DACT2: variants seen among roughly 807,000 people sequenced by gnomAD.
The protein encoded by DACT2 is dishevelled binding antagonist of beta catenin 2.
In DACT2, 20 loss-of-function variants were observed where a neutral mutation model predicts 22.2. That is an observed-to-expected ratio of 0.90 (90% CI 0.63 to 1.31). DACT2 has a LOEUF of 1.31. Among genes scored for constraint, DACT2 ranks in the 50% most tolerant of loss-of-function variants. The pLI is 0.00. For synonymous variants in DACT2, 463 were observed against 479.8 expected, an observed-to-expected ratio of 0.96 and a Z score of 0.46; for missense variants, 1,048 against 1,061.4, an observed-to-expected ratio of 0.99 and a Z score of 0.18.
At chr6:168,302,425 G>C (rs1214122995), downstream of DACT2, among the ~76,000 whole-genome samples, 2 of 152,168 alleles carry the variant, frequency 1.3e-5, no homozygotes, top group Non-Finnish European at 1.5e-5. Context: ...TTCAGAGAGG[G>C]CTGTTTTCAT....
At chr6:168,295,968 G>A (rs1357473676) in intron 3 of DACT2, among the ~76,000 whole-genome samples, 1 of 152,222 alleles carries the variant, frequency 6.6e-6, no homozygotes, top group Non-Finnish European at 1.5e-5. Context: ...GTGGGAAAGA[G>A]CAGATCCATC....
intron 1 of DACT2, among the ~76,000 whole-genome samples, chr6:168,316,354 C>T (rs1236626161): frequency 3.6e-5 from 1 of 27,958 alleles, no homozygotes; most frequent in East Asian, 1.3e-3. Context: ...ACAACAGCAT[C>T]TCAGCAGCAC....
exon 4 of DACT2, chr6:168,294,660 C>A (rs1583287752): frequency 2.7e-6 from 4 of 1,477,412 alleles, no homozygotes; most frequent in Non-Finnish European, 3.6e-6. Context: ...GTGCAGCCTG[C>A]AGGCGGAGCA....
exon 6 of DACT2, chr6:168,293,834 C>G: frequency 1.4e-6 from 1 of 702,370 alleles, no homozygotes; most frequent in Admixed American, 2.0e-5. Context: ...GTGGCCAGGA[C>G]CCGACTTCCA....
chr6:168,310,020 G>A (rs1165113216), intron 3 of DACT2, 148 bp downstream of exon 3: 24 of 1,255,008 alleles, frequency 1.9e-5, no homozygotes, highest in South Asian at 1.2e-4. Context: ...AAACCACCAC[G>A]TGGCCCACGG....
At chr6:168,296,721 C>A (rs1779015735) in intron 3 of DACT2, among the ~76,000 whole-genome samples, 1 of 152,240 alleles carries the variant, frequency 6.6e-6, no homozygotes, top group Admixed American at 6.5e-5. Flanking sequence ...TAAGGAATAG[C>A]TGTATAATAG....
In DACT2 at chr6:168,307,635, C is replaced by G. The variant is rs370941715; in HGVS notation, c.2122G>C (p.Ala708Pro). 1.4e-5 allele frequency: 21 copies of G among 1,547,030 alleles called. No homozygotes were observed. The Admixed American group carries it at 4.1e-4, about 30-fold the overall frequency. The change falls in exon 4 of 4, where the codon GCC becomes CCC. Residue 708 changes from alanine to proline, a missense_variant. Transcript: ENST00000366795. The surrounding 1 kb of genome is among the most constrained non-coding windows in gnomAD (Gnocchi z 5.3). Reference sequence around the variant, plus strand: ...GCCAGGTCACAGTCCCTGCTCTGGGCGCCGCCCTCCTCGTCGCTGCTGCTG... The same window carrying G: ...GCCAGGTCACAGTCCCTGCTCTGGGGGCCGCCCTCCTCGTCGCTGCTGCTG... Reference protein sequence around the residue: ...ESSSSDEEGGAQSRDCDLALG... With the variant: ...ESSSSDEEGGPQSRDCDLALG...
chr6:168,302,420 A>C (rs940982329), downstream of DACT2, among the ~76,000 whole-genome samples: 4 of 152,206 alleles, frequency 2.6e-5, no homozygotes, highest in African/African-American at 9.7e-5. Flanking sequence ...CTGTTTTCAG[A>C]GAGGGCTGTT....
downstream of DACT2, among the ~76,000 whole-genome samples, chr6:168,304,119 T>C (rs62424994): frequency 0.17 from 26,346 of 152,174 alleles, 3,098 homozygotes; most frequent in African/African-American, 0.34. Context: ...AAACAGCTCC[T>C]CTGTCTTCCA....
chr6:168,293,133 C>T lies in DACT2; in HGVS notation c.*761G>A, dbSNP rs543331529. The T allele has an allele frequency of 1.2e-4, 18 of 152,270 alleles. No homozygotes were observed. The East Asian group carries it at 1.4e-3, about 11-fold the overall frequency. 9.4% of individuals were successfully genotyped at this position (152,270 alleles called of 1,614,324 possible). A position where few individuals can be genotyped will look rare whatever the true frequency, so the allele number is the denominator to read the frequency against. On this transcript the variant is annotated 3_prime_UTR_variant, in exon 6 of 6. Transcript: ENST00000366796. ...ATGAGAAGACCGGCCATTAGCTGAGCCTGCTGGAGCTGTGCCAGGTGCTTT... is the reference window on the plus strand; with the variant it reads ...ATGAGAAGACCGGCCATTAGCTGAGTCTGCTGGAGCTGTGCCAGGTGCTTT...
In DACT2 at chr6:168,307,541, G is replaced by A. The variant is rs1779242308; in HGVS notation, c.2216C>T (p.Pro739Leu). The A allele has an allele frequency of 1.3e-6, 2 of 1,551,346 alleles. No homozygotes were observed. Among genetic ancestry groups the A allele is most frequent in the South Asian group, 1.2e-5 (1 of 84,056 alleles). The change falls in exon 4 of 4, where the codon CCA (proline) becomes CTA (leucine). Residue 739 changes from proline (P) to leucine (L), a missense_variant. Coordinates refer to ENST00000366795, the MANE Select transcript of DACT2 (RefSeq NM_214462.5). This position sits in a 1 kb window ranked among gnomAD's most constrained non-coding sequence, Gnocchi z 5.3. ...WTQEAPVSSG[P>L]LLSPVPKLCR... ...CAGCTTGGGCACGGGGGACAGGAGT[G>A]GCCCCGAGCTGACCGGGGCCTCCTG...
intron 2 of DACT2, 74 bp from the exon 3 acceptor site, chr6:168,310,520 G>C: frequency 6.6e-7 from 1 of 1,505,894 alleles, no homozygotes; most frequent in Non-Finnish European, 8.9e-7. Flanking sequence ...TCCTGAGCTT[G>C]TCACGGCACA....
At position 168,308,585 on chromosome 6, in the gene DACT2, C is replaced by T. The variant is rs1382712370; in HGVS notation, c.1172G>A (p.Gly391Glu). 1.3e-6 allele frequency: 2 copies of T among 1,546,856 alleles called. No homozygotes were observed. The highest frequency in any genetic ancestry group is 8.7e-7 in the Non-Finnish European group (1 of 1,146,964). Residue 391 changes from glycine (G) to glutamate (E), a missense_variant, in exon 4 of 4, where the codon GGG becomes GAG. Transcript: ENST00000366795. ...GCCGGCACCCCTGCTCTGAGCTGGC[C>T]CTCCCTCGTCCTCCCTCCCTGGGGC... Reference protein sequence around the residue: ...VFAPGREDEGGPAQSRGAGRG... With the variant: ...VFAPGREDEGEPAQSRGAGRG...
At chr6:168,319,306 A>T in intron 1 of DACT2, 82 bp downstream of exon 1, 1 of 1,134,656 alleles carries the variant, frequency 8.8e-7, no homozygotes, top group Non-Finnish European at 1.1e-6. Flanking sequence ...CCCCCGTCCC[A>T]CTAACACACA....
intron 1 of DACT2, among the ~76,000 whole-genome samples, chr6:168,311,495 G>GCCCC (rs539267578): frequency 5.8e-5 from 8 of 136,806 alleles, no homozygotes; most frequent in African/African-American, 2.2e-4. Context: ...GACACCCATC[G>GCCCC]CCCCCCACAC....
At chr6:168,318,165 G>A (rs1779560105) in intron 1 of DACT2, among the ~76,000 whole-genome samples, 1 of 152,260 alleles carries the variant, frequency 6.6e-6, no homozygotes, top group Non-Finnish European at 1.5e-5. Flanking sequence ...ATTGTGTCTG[G>A]TGCAAACACA....
chr6:168,295,011 C>T (rs938866934), intron 3 of DACT2, among the ~76,000 whole-genome samples: 1 of 152,200 alleles, frequency 6.6e-6, no homozygotes, highest in African/African-American at 2.4e-5. Context: ...GAACAAGGGG[C>T]TCAGCATCTT....
chr6:168,311,703 T>C (rs139215346), intron 1 of DACT2, among the ~76,000 whole-genome samples: 171 of 151,314 alleles, frequency 1.1e-3, no homozygotes, highest in African/African-American at 4.0e-3. Context: ...CATACACACA[T>C]GGGTTTTCTC....
intron 1 of DACT2, among the ~76,000 whole-genome samples, chr6:168,311,946 C>T (rs919718303): frequency 2.0e-5 from 3 of 152,164 alleles, no homozygotes; most frequent in African/African-American, 4.8e-5. Flanking sequence ...TCCTTTCACT[C>T]GGCCGCCTCT....
Sources: allele counts gnomAD v4.1 joint callset (sites outside exome capture counted in the v4.1 genomes callset), GRCh38; gene constraint gnomAD v4.1.1; non-coding constraint Gnocchi (gnomAD v3.1); transcripts MANE v1.5; gene names NCBI Gene and HGNC (gene_info 2026-07-23, HGNC 2026-07-21).